Variants in GABPB1 observed in about 807,000 individuals in gnomAD.
GABPB1 encodes GA binding protein transcription factor subunit beta 1, also known as GA-binding protein subunit beta-1.
In GABPB1, 15 loss-of-function variants were observed where a neutral mutation model predicts 45.9. The observed-to-expected ratio is 0.33, with a 90% confidence interval of 0.22 to 0.50. The LOEUF is 0.50. Ranked by LOEUF, GABPB1 falls within the 20% of genes least tolerant of loss-of-function variation. GABPB1 has a pLI of 0.98. For synonymous variants in GABPB1, 143 were observed against 154.4 expected (o/e 0.93, Z 0.55); for missense variants, 252 against 457.5 (o/e 0.55, Z 4.10).
chr15:50,354,307 C>G (rs753344019), intron 1 of GABPB1: 9 of 447,886 alleles, frequency 2.0e-5, no homozygotes, highest in African/African-American at 1.4e-4. Context: ...GGCTTCTCCC[C>G]CTCAGGACTC....
intron 6 of GABPB1, among the ~76,000 whole-genome samples, chr15:50,296,934 A>G (rs1421589858): frequency 7.5e-6 from 1 of 132,840 alleles, no homozygotes; most frequent in Non-Finnish European, 1.6e-5. Context: ...TTTTTGAGAC[A>G]GAGTCTCCCT....
intron 1 of GABPB1, among the ~76,000 whole-genome samples, chr15:50,342,427 T>C (rs2048410415): frequency 6.6e-6 from 1 of 152,208 alleles, no homozygotes; most frequent in South Asian, 2.1e-4. Context: ...CAACAGATGT[T>C]TGCTAAATTA....
chr15:50,338,099 G>A (rs2048211838), intron 1 of GABPB1, among the ~76,000 whole-genome samples: 1 of 152,186 alleles, frequency 6.6e-6, no homozygotes, highest in African/African-American at 2.4e-5. Flanking sequence ...TAATGTAGTG[G>A]TGAGATCTTG....
intron 1 of GABPB1, among the ~76,000 whole-genome samples, chr15:50,330,895 G>A (rs888260631): frequency 3.9e-5 from 6 of 152,174 alleles, no homozygotes; most frequent in Non-Finnish European, 8.8e-5. Flanking sequence ...TTGTGGCAGT[G>A]ATAAACGGTA....
At position 50,275,934 on chromosome 15, in the gene GABPB1, A is replaced by G. The variant is rs1290062005; in HGVS notation, c.*2698T>C. ...GAGGTCCAGGGACTATACAGAGGGA[A>G]GTGTTAAATCTGAATAAAGTAATTG... On this transcript the variant is annotated 3_prime_UTR_variant, in exon 9 of 9. Coordinates refer to ENST00000380877, the MANE Select transcript of GABPB1 (RefSeq NM_016654.5). 1 of 152,230 alleles carries G rather than the reference A, an allele frequency of 6.6e-6. No homozygotes were observed. Among genetic ancestry groups the G allele is most frequent in the African/African-American group, 2.4e-5 (1 of 41,462 alleles). The allele number at this position is 152,230 out of a possible 1,614,324, so 9.4% of individuals were successfully genotyped here. A position where few individuals can be genotyped will look rare whatever the true frequency, so the allele number is the denominator to read the frequency against.
At chr15:50,345,438 A>G (rs2048529824) in intron 1 of GABPB1, among the ~76,000 whole-genome samples, 1 of 152,162 alleles carries the variant, frequency 6.6e-6, no homozygotes, top group African/African-American at 2.4e-5. Flanking sequence ...ATGGTGACAC[A>G]TGCGTGTAGT....
rs143885241 is a variant in GABPB1 at position 50,333,651 on chromosome 15, T to C, written c.-1+21334A>G. ...CATCATTCTTTAAATATATTTTCAC[T>C]GGGCATAAAATTCTAGATTGACAGG... On this transcript the variant is annotated intron_variant, in intron 1 of 8. Transcript: ENST00000380877. Among the ~76,000 whole-genome samples, 687 of 152,348 alleles carry C rather than the reference T, an allele frequency of 4.5e-3. 8 individuals are homozygous for C. The highest frequency in any genetic ancestry group is 0.016 in the African/African-American group (662 of 41,588).
chr15:50,354,336 C>A (rs1215815149), intron 1 of GABPB1: 9 of 447,640 alleles, frequency 2.0e-5, no homozygotes, highest in Admixed American at 1.4e-4. Flanking sequence ...GCGGCCAAGG[C>A]TGTCGCTGCG....
intron 8 of GABPB1, among the ~76,000 whole-genome samples, chr15:50,283,437 A>G (rs1256208777): frequency 6.6e-6 from 1 of 152,108 alleles, no homozygotes; most frequent in Non-Finnish European, 1.5e-5. Context: ...TCTACAATTT[A>G]AAGTAATTTT....
intron 1 of GABPB1, among the ~76,000 whole-genome samples, chr15:50,325,189 G>A (rs548912581): frequency 1.8e-4 from 27 of 152,124 alleles, no homozygotes; most frequent in African/African-American, 6.5e-4. Flanking sequence ...TGAGGAAGAG[G>A]GACAAGTGTA....
chr15:50,338,843 T>A (rs184200211), intron 1 of GABPB1, among the ~76,000 whole-genome samples: 7 of 152,354 alleles, frequency 4.6e-5, no homozygotes, highest in Admixed American at 2.0e-4. Flanking sequence ...TATTTTTGTT[T>A]CTTTGAATTT....
chr15:50,343,896 AT>A (rs2048471934), intron 1 of GABPB1, among the ~76,000 whole-genome samples: 1 of 152,198 alleles, frequency 6.6e-6, no homozygotes, highest in South Asian at 2.1e-4. Flanking sequence ...TGTAAGATAT[AT>A]TTTTTATTGG....
In GABPB1 at chr15:50,326,523, A is replaced by G. The variant is rs190723838; in HGVS notation, c.1-16725T>C. 3.9e-3 allele frequency among the ~76,000 whole-genome samples: 587 copies of G among 152,204 alleles called. 3 individuals are homozygous for G. Among genetic ancestry groups the G allele is most frequent in the African/African-American group, 0.014 (564 of 41,566 alleles). On this transcript the variant is annotated intron_variant, in intron 1 of 8. Coordinates refer to ENST00000380877, the MANE Select transcript of GABPB1 (RefSeq NM_016654.5). ...ACAATAAAAAAACAATTAGCTGGGC[A>G]TGGTGGCATGCGCCTATAGTCCCAG...
At chr15:50,292,406 T>C (rs550353894) in intron 6 of GABPB1, among the ~76,000 whole-genome samples, 1 of 151,908 alleles carries the variant, frequency 6.6e-6, no homozygotes, top group South Asian at 2.1e-4. Context: ...GCTAAAAGCA[T>C]TGATAAAATC....
intron 1 of GABPB1, chr15:50,346,541 G>A (rs1048966106): frequency 9.2e-5 from 14 of 151,366 alleles, no homozygotes; most frequent in African/African-American, 2.9e-4. Context: ...TGTTTGGGTT[G>A]CTGTAACAAA....
chr15:50,346,610 G>C (rs939964818), intron 1 of GABPB1, among the ~76,000 whole-genome samples: 1 of 58,252 alleles, frequency 1.7e-5, no homozygotes, highest in African/African-American at 6.3e-5. Context: ...TTTTTTTGTA[G>C]AGATGGGAGT....
intron 8 of GABPB1, among the ~76,000 whole-genome samples, chr15:50,282,031 T>C (rs951564387): frequency 6.6e-6 from 1 of 151,964 alleles, no homozygotes; most frequent in Non-Finnish European, 1.5e-5. Flanking sequence ...ACCTTATCTC[T>C]ACAAAAAAAT....
intron 2 of GABPB1, among the ~76,000 whole-genome samples, chr15:50,309,359 CTT>C (rs1349537177): frequency 1.3e-5 from 2 of 152,070 alleles, no homozygotes; most frequent in Non-Finnish European, 2.9e-5. Flanking sequence ...TTATCAGTAT[CTT>C]TCTGAATTAT....
intron 1 of GABPB1, among the ~76,000 whole-genome samples, chr15:50,328,239 A>T (rs1457188208): frequency 7.2e-6 from 1 of 139,000 alleles, no homozygotes; most frequent in Admixed American, 7.1e-5. Context: ...ATTCCTTTCT[A>T]AAAAAAAAAA....
Sources: gnomAD v4.1 joint callset for allele counts (sites outside exome capture counted in the v4.1 genomes callset) on GRCh38, gnomAD v4.1.1 for gene constraint, MANE v1.5 for transcripts, NCBI Gene and HGNC (gene_info 2026-07-23, HGNC 2026-07-21) for gene names.